The following KCNQ5 variants were observed in gnomAD, a reference collection of about 807,000 sequenced individuals.
KCNQ5 encodes the protein potassium voltage-gated channel subfamily Q member 5.
KCNQ5 carries 30 observed loss-of-function variants against 98.2 expected under a neutral mutation model. The ratio of observed to expected loss-of-function variants is 0.31; its 90% CI spans 0.23 to 0.41. The LOEUF is 0.41. KCNQ5 is among the 10% of genes least tolerant of loss of function. KCNQ5 has a pLI of 1.00. For missense variants in KCNQ5, 835 were observed against 1,182.5 expected, an observed-to-expected ratio of 0.71 and a Z score of 4.31; for synonymous variants, 458 against 449.4, an observed-to-expected ratio of 1.02 and a Z score of -0.24.
intron 1 of KCNQ5, among the ~76,000 whole-genome samples, chr6:72,644,868 G>A (rs1420330956): frequency 6.6e-6 from 1 of 152,122 alleles, no homozygotes; most frequent in East Asian, 1.9e-4. Context: ...GGTTTTATTT[G>A]AGCCAAATTG....
intron 1 of KCNQ5, among the ~76,000 whole-genome samples, chr6:72,936,121 T>G (rs1473274064): frequency 1.4e-5 from 2 of 143,718 alleles, no homozygotes; most frequent in Non-Finnish European, 2.9e-5. Flanking sequence ...TCCACTTACT[T>G]GTCTGAGAGT....
intron 1 of KCNQ5, among the ~76,000 whole-genome samples, chr6:72,860,137 G>A (rs187136420): frequency 3.3e-4 from 51 of 152,264 alleles, no homozygotes; most frequent in African/African-American, 1.2e-3. Context: ...AATACAAATG[G>A]TATGAATAAA....
chr6:72,985,493 A>T (rs945516904), intron 1 of KCNQ5, among the ~76,000 whole-genome samples: 10 of 152,234 alleles, frequency 6.6e-5, no homozygotes, highest in Non-Finnish European at 1.5e-4. Context: ...GTTGGTGGTC[A>T]GTATTGTTAC....
At chr6:72,640,366 A>ATACTATATATAG (rs147328732) in intron 1 of KCNQ5, among the ~76,000 whole-genome samples, 61,026 of 151,476 alleles carry the variant, frequency 0.4, 13,153 homozygotes, top group Middle Eastern at 0.51. Context: ...TATACTTTGT[A>ATACTATATATAG]ACCATATATA....
chr6:73,004,838 T>C (rs1344945703), intron 2 of KCNQ5, among the ~76,000 whole-genome samples: 3 of 152,176 alleles, frequency 2.0e-5, no homozygotes, highest in African/African-American at 4.8e-5. Context: ...CCTAGGGGTA[T>C]ACAGAAGCAG....
intron 1 of KCNQ5, among the ~76,000 whole-genome samples, chr6:72,810,975 T>G (rs1329751207): frequency 2.6e-5 from 4 of 152,236 alleles, no homozygotes; most frequent in Non-Finnish European, 5.9e-5. Flanking sequence ...GTACAGAGTA[T>G]TCGCTGTATA....
At chr6:73,161,720 A>AC (rs1408618190) in intron 10 of KCNQ5, among the ~76,000 whole-genome samples, 2 of 152,226 alleles carry the variant, frequency 1.3e-5, no homozygotes, top group East Asian at 3.8e-4. Flanking sequence ...AAATACCTTC[A>AC]ATTTGATGGT....
At chr6:72,716,671 A>C (rs532255923) in intron 1 of KCNQ5, among the ~76,000 whole-genome samples, 14 of 152,140 alleles carry the variant, frequency 9.2e-5, no homozygotes, top group Non-Finnish European at 1.6e-4. Context: ...TTTAATTACT[A>C]TCTATTAAGT....
At chr6:72,937,395 A>C (rs1353926899) in intron 1 of KCNQ5, among the ~76,000 whole-genome samples, 1 of 152,210 alleles carries the variant, frequency 6.6e-6, no homozygotes, top group Non-Finnish European at 1.5e-5. Context: ...CTTCACAGGC[A>C]TGCACCCACC....
At chr6:72,691,732 C>T (rs1768222622) in intron 1 of KCNQ5, among the ~76,000 whole-genome samples, 1 of 152,196 alleles carries the variant, frequency 6.6e-6, no homozygotes, top group African/African-American at 2.4e-5. Context: ...TGCATTTCCA[C>T]CTTTCATAGC....
intron 1 of KCNQ5, among the ~76,000 whole-genome samples, chr6:72,694,374 G>A (rs966425706): frequency 6.6e-6 from 1 of 152,052 alleles, no homozygotes; most frequent in Non-Finnish European, 1.5e-5. Context: ...TGGTCTGAAG[G>A]CTTGATATGT....
chr6:72,987,014 G>A, intron 1 of KCNQ5: 1 of 769,858 alleles, frequency 1.3e-6, no homozygotes, highest in South Asian at 1.7e-5. Flanking sequence ...TCCACCAGGA[G>A]GGAGATGCCC....
At chr6:72,778,288 G>A (rs1773264581) in intron 1 of KCNQ5, among the ~76,000 whole-genome samples, 1 of 152,170 alleles carries the variant, frequency 6.6e-6, no homozygotes, top group Non-Finnish European at 1.5e-5. Flanking sequence ...TCTAATCCCA[G>A]TACTTTGGGA....
chr6:72,669,910 C>CTTTTTTTTTTT (rs541665177), intron 1 of KCNQ5, among the ~76,000 whole-genome samples: 35 of 134,996 alleles, frequency 2.6e-4, no homozygotes, highest in African/African-American at 9.1e-4. Flanking sequence ...ACTTTCTTTC[C>CTTTTTTTTTTT]TTTTTTTTTT....
intron 9 of KCNQ5, among the ~76,000 whole-genome samples, chr6:73,129,322 T>C (rs1421433069): frequency 2.0e-3 from 1 of 512 alleles, no homozygotes; most frequent in African/African-American, 9.8e-3. Context: ...TTGTTGAACA[T>C]ATATTCTGAC....
chr6:73,066,004 G>A (rs997361831), intron 3 of KCNQ5, among the ~76,000 whole-genome samples: 17 of 152,188 alleles, frequency 1.1e-4, no homozygotes, highest in African/African-American at 3.9e-4. Flanking sequence ...AAATTAGCCT[G>A]GAGTGGTGGT....
At position 72,752,225 on chromosome 6, in the gene KCNQ5, G is replaced by A. The variant is rs554023761; in HGVS notation, c.398+129638G>A. On this transcript the variant is annotated intron_variant, in intron 1 of 13. Coordinates refer to ENST00000370398, the MANE Select transcript of KCNQ5 (RefSeq NM_019842.4). ...GAGCTTATATTTGAGTTGGGAGACA[G>A]GTGCAAAACGTTAGTTACAAACTAA... Among the ~76,000 whole-genome samples the A allele has an allele frequency of 1.2e-4, 19 of 152,196 alleles. 1 individual carries two copies. The highest frequency in any genetic ancestry group is 4.1e-4 in the African/African-American group (17 of 41,542).
chr6:73,157,435 G>A (rs1777408192), intron 10 of KCNQ5: 1 of 655,534 alleles, frequency 1.5e-6, no homozygotes, highest in African/African-American at 1.8e-5. Context: ...GCCCGGGGGC[G>A]GGGGCGGTGG....
intron 1 of KCNQ5, among the ~76,000 whole-genome samples, chr6:72,648,199 C>T (rs1003570374): frequency 2.6e-5 from 4 of 152,118 alleles, no homozygotes; most frequent in African/African-American, 9.7e-5. Context: ...GAGCCTTTGA[C>T]GTTGGAAGAA....
Sources: gnomAD v4.1 joint callset for allele counts (sites outside exome capture counted in the v4.1 genomes callset) on GRCh38, gnomAD v4.1.1 for gene constraint, MANE v1.5 for transcripts, NCBI Gene and HGNC (gene_info 2026-07-23, HGNC 2026-07-21) for gene names.